CNTN5: variants seen among roughly 807,000 people sequenced by gnomAD.
CNTN5 encodes the protein contactin 5.
A neutral mutation model predicts 129.1 loss-of-function variants in CNTN5; 77 were observed. The observed-to-expected ratio is 0.60, with a 90% CI of 0.50 to 0.72. The LOEUF (loss-of-function observed/expected upper bound fraction) is 0.72. CNTN5 is among the 30% of genes least tolerant of loss of function. The probability of loss-of-function intolerance (pLI) is 0.00; values close to 1 mark genes in which losing one functional copy is unlikely to be tolerated. For missense variants in CNTN5, 1,478 were observed against 1,328.8 expected (o/e 1.11, Z -1.75); for synonymous variants, 509 against 465.6 (o/e 1.09, Z -1.20).
chr11:99,042,640 G>T (rs931485716), intron 1 of CNTN5, among the ~76,000 whole-genome samples: 29 of 152,006 alleles, frequency 1.9e-4, no homozygotes, highest in Non-Finnish European at 3.8e-4. Context: ...CTCTCAAATT[G>T]TTGGGATTAC....
At chr11:99,623,449 G>A (rs1035405977) in intron 3 of CNTN5, among the ~76,000 whole-genome samples, 1 of 152,098 alleles carries the variant, frequency 6.6e-6, no homozygotes, top group African/African-American at 2.4e-5. Context: ...GTCTTGCCAA[G>A]CTTACATTCT....
rs116960387 is a variant in CNTN5 at position 100,150,756 on chromosome 11, G to A, written c.1581-40370G>A. ...AAGGCTTTTTGCCTGTTCTTCGTGA[G>A]GAAAAACTAGACATTAACAACAATA... On this transcript the variant is annotated intron_variant, in intron 13 of 24. Coordinates refer to ENST00000524871, the MANE Select transcript of CNTN5 (RefSeq NM_014361.4). Among the ~76,000 whole-genome samples, 114 of 151,960 alleles carry A rather than the reference G, an allele frequency of 7.5e-4. 2 individuals are homozygous for A. In the East Asian group the frequency reaches 0.017, roughly 22 times the overall value.
intron 10 of CNTN5, among the ~76,000 whole-genome samples, chr11:100,066,833 CAAA>C (rs34290071): frequency 7.2e-5 from 9 of 124,938 alleles, no homozygotes; most frequent in Admixed American, 1.7e-4. Context: ...AGTCCTCTGC[CAAA>C]AAAAAAAAAA....
At chr11:99,753,921 C>G (rs370802853) in intron 3 of CNTN5, among the ~76,000 whole-genome samples, 1 of 149,502 alleles carries the variant, frequency 6.7e-6, no homozygotes, top group East Asian at 2.0e-4. Flanking sequence ...CTCCTAAGCT[C>G]AAGTGATCTG....
At chr11:99,417,922 A>G (rs1049725962) in intron 2 of CNTN5, among the ~76,000 whole-genome samples, 1 of 152,152 alleles carries the variant, frequency 6.6e-6, no homozygotes, top group African/African-American at 2.4e-5. Flanking sequence ...GAAAAGTTTC[A>G]TGTTTAAACG....
chr11:100,193,591 T>C lies in CNTN5; in HGVS notation c.1812T>C (p.Thr604=), dbSNP rs1948555989. 1 of 1,612,138 alleles carries C rather than the reference T, an allele frequency of 6.2e-7. No individual in the cohort carries two copies. The highest frequency in any genetic ancestry group is 8.5e-7 in the Non-Finnish European group (1 of 1,178,894). The stretch of plus-strand genomic sequence containing the variant: ...TTCACGATGCTAGTTTGGATGTCAC[T>C]TTCTACTGGACTCTGAAAGGACAGC... ...KAIHDASLDV[T]FYWTLKGQPI... Residue 604 remains threonine (T), a synonymous_variant, in exon 15 of 25, where the codon ACT becomes ACC. Transcript: ENST00000524871.
chr11:100,200,224 A>G (rs1445657661), intron 15 of CNTN5, among the ~76,000 whole-genome samples: 1 of 151,858 alleles, frequency 6.6e-6, no homozygotes, highest in Non-Finnish European at 1.5e-5. Flanking sequence ...GCCCATCTCC[A>G]CTTTACTCTA....
intron 2 of CNTN5, among the ~76,000 whole-genome samples, chr11:99,493,141 AT>A (rs1946099741): frequency 6.6e-6 from 1 of 152,176 alleles, no homozygotes; most frequent in African/African-American, 2.4e-5. Flanking sequence ...CTTTGTTTGT[AT>A]TTTTAACTTA....
chr11:100,183,698 G>T (rs1948209611), intron 13 of CNTN5, among the ~76,000 whole-genome samples: 1 of 152,018 alleles, frequency 6.6e-6, no homozygotes, highest in African/African-American at 2.4e-5. Flanking sequence ...CTTCACTATG[G>T]TAATGGTTTT....
chr11:99,919,800 ATATT>A (rs1949890528), intron 7 of CNTN5, among the ~76,000 whole-genome samples: 1 of 128,862 alleles, frequency 7.8e-6, no homozygotes, highest in Admixed American at 7.6e-5. Flanking sequence ...CTTTTCTAGA[ATATT>A]TATTTTATTT....
chr11:99,075,847 A>G (rs1865543700), intron 1 of CNTN5, among the ~76,000 whole-genome samples: 1 of 152,162 alleles, frequency 6.6e-6, no homozygotes, highest in Non-Finnish European at 1.5e-5. Context: ...TTTTTAAGAT[A>G]TTTTTATATT....
chr11:100,297,875 T>C (rs1042645995), intron 19 of CNTN5, among the ~76,000 whole-genome samples, 180 bp downstream of exon 19: 3 of 151,566 alleles, frequency 2.0e-5, no homozygotes, highest in South Asian at 2.1e-4. Flanking sequence ...ATTTAACCCA[T>C]ACAACAATCT....
intron 10 of CNTN5, among the ~76,000 whole-genome samples, chr11:100,069,365 C>T (rs968506263): frequency 3.3e-5 from 5 of 151,734 alleles, no homozygotes; most frequent in African/African-American, 1.2e-4. Flanking sequence ...CACCATGTTG[C>T]CCGAGCTGGG....
intron 13 of CNTN5, among the ~76,000 whole-genome samples, chr11:100,102,360 T>C (rs1945252563): frequency 6.6e-6 from 1 of 152,150 alleles, no homozygotes; most frequent in Non-Finnish European, 1.5e-5. Context: ...TGTTTGTGTA[T>C]CTTCTTTTGA....
At chr11:99,229,869 A>C (rs1317587279) in intron 1 of CNTN5, among the ~76,000 whole-genome samples, 1 of 152,084 alleles carries the variant, frequency 6.6e-6, no homozygotes, top group Non-Finnish European at 1.5e-5. Context: ...TTTAAAAAAG[A>C]GTATCTGTCT....
At chr11:99,894,650 A>C (rs1949157928) in intron 6 of CNTN5, among the ~76,000 whole-genome samples, 1 of 152,164 alleles carries the variant, frequency 6.6e-6, no homozygotes, top group Non-Finnish European at 1.5e-5. Flanking sequence ...ATATTTATAA[A>C]CAGACAAAAA....
intron 9 of CNTN5, 49 bp downstream of exon 9, chr11:100,002,185 G>A: frequency 8.3e-7 from 1 of 1,203,690 alleles, no homozygotes; most frequent in Non-Finnish European, 1.1e-6. Context: ...ATTAAAATGT[G>A]ACATATCTTA....
At chr11:99,498,860 G>A (rs1025908191) in intron 2 of CNTN5, among the ~76,000 whole-genome samples, 2 of 152,154 alleles carry the variant, frequency 1.3e-5, no homozygotes, top group African/African-American at 2.4e-5. Context: ...AACCATTGCA[G>A]CCATTTTTGT....
intron 2 of CNTN5, among the ~76,000 whole-genome samples, chr11:99,387,679 G>A (rs1156373347): frequency 1.3e-5 from 2 of 151,990 alleles, no homozygotes; most frequent in African/African-American, 4.8e-5. Context: ...CTGCTACTCA[G>A]TTGCTGAGCT....
Sources: allele counts gnomAD v4.1 joint callset (sites outside exome capture counted in the v4.1 genomes callset), GRCh38; gene constraint gnomAD v4.1.1; transcripts MANE v1.5; gene names NCBI Gene and HGNC (gene_info 2026-07-23, HGNC 2026-07-21).